The following VASH2 variants were observed in gnomAD, a reference collection of about 807,000 sequenced individuals.
The protein encoded by VASH2 is tubulinyl-Tyr carboxypeptidase 2.
A neutral mutation model predicts 37.2 loss-of-function variants in VASH2; 28 were observed. The observed-to-expected ratio is 0.75, with a 90% CI of 0.56 to 1.03. The LOEUF (loss-of-function observed/expected upper bound fraction) is 1.03, where lower values mean the gene tolerates loss of function less well. Ranked by LOEUF, VASH2 falls within the 50% of genes least tolerant of loss-of-function variation. The pLI is 0.00. For missense variants in VASH2, 419 were observed against 459.1 expected (o/e 0.91, Z 0.80); for synonymous variants, 188 against 174.7 (o/e 1.08, Z -0.60).
chr1:212,957,202 G>A (rs1289105846), intron 2 of VASH2, among the ~76,000 whole-genome samples: 1 of 152,222 alleles, frequency 6.6e-6, no homozygotes, highest in African/African-American at 2.4e-5. Context: ...GTGTCAAAAC[G>A]TCTTTCCTTT....
Position 212,966,262 on chromosome 1 carries a change from A to C in VASH2, c.423-9A>C. The C allele has an allele frequency of 3.2e-6, 5 of 1,551,350 alleles. No individual in the cohort carries two copies. The highest frequency in any genetic ancestry group is 4.4e-6 in the Non-Finnish European group (5 of 1,146,714). On this transcript the variant is annotated splice_polypyrimidine_tract_variant and intron_variant, in intron 4 of 7. Coordinates refer to ENST00000517399, the MANE Select transcript of VASH2 (RefSeq NM_001301056.2). ...GTTCTGAGATCCTCTGCTGTGCTCT[A>C]TCCTACAGGTTAATGGAAACAGCAA...
intron 6 of VASH2, chr1:212,973,622 T>G: frequency 3.3e-6 from 4 of 1,226,506 alleles, no homozygotes; most frequent in Non-Finnish European, 4.2e-6. Context: ...GATGGGACTT[T>G]GCCTTCGTGA....
At chr1:212,963,391 AC>A (rs1050080313) in intron 3 of VASH2, among the ~76,000 whole-genome samples, 34 of 152,068 alleles carry the variant, frequency 2.2e-4, no homozygotes, top group African/African-American at 8.2e-4. Flanking sequence ...TGCTGACCTG[AC>A]TTTTATTTAG....
chr1:212,953,459 T>C (rs1666386899), intron 2 of VASH2, among the ~76,000 whole-genome samples: 1 of 152,122 alleles, frequency 6.6e-6, no homozygotes. Context: ...CAAATCACAT[T>C]TCATCACTGA....
rs1056906136 is a variant in VASH2, at chr1:212,989,668, G to A, written c.*1084G>A. On this transcript the variant is annotated 3_prime_UTR_variant, in exon 8 of 8. Transcript: ENST00000517399. The stretch of plus-strand genomic sequence containing the variant: ...ATTATCTTCCAGTACTTTGCTTTTA[G>A]GTACCATTTCATGACATTTTAGGAA... The A allele has an allele frequency of 1.3e-5, 2 of 152,006 alleles. No homozygotes were observed. Among genetic ancestry groups the A allele is most frequent in the Non-Finnish European group, 2.9e-5 (2 of 68,024 alleles). The allele number at this position is 152,006 out of a possible 1,614,324, so 9.4% of individuals were successfully genotyped here.
rs924185731 is a variant in VASH2 at position 212,960,711 on chromosome 1, G to A, written c.277-455G>A. On this transcript the variant is annotated intron_variant, in intron 2 of 7. Transcript: ENST00000517399. Reference sequence around the variant, plus strand: ...GGCATCCATTCACTTTATATTCTGTGTAAATGTTGCCCTGCAGTAGAGCAC... The same window carrying A: ...GGCATCCATTCACTTTATATTCTGTATAAATGTTGCCCTGCAGTAGAGCAC... 2.0e-5 allele frequency among the ~76,000 whole-genome samples: 3 copies of A among 152,196 alleles called. No homozygotes were observed. In the South Asian group the frequency reaches 6.2e-4, roughly 32 times the overall value.
At chr1:212,986,280 T>A (rs6685111) in intron 7 of VASH2, among the ~76,000 whole-genome samples, 3,401 of 152,324 alleles carry the variant, frequency 0.022, 124 homozygotes, top group African/African-American at 0.075. Flanking sequence ...CTGAATTTTC[T>A]ACAAGTGGGG....
intron 7 of VASH2, among the ~76,000 whole-genome samples, chr1:212,987,417 A>T (rs1339224226): frequency 3.3e-5 from 5 of 152,124 alleles, no homozygotes; most frequent in African/African-American, 1.2e-4. Flanking sequence ...GTCTACAAAA[A>T]TACAAAATTG....
intron 7 of VASH2, among the ~76,000 whole-genome samples, chr1:212,976,299 G>A (rs189259675): frequency 9.6e-4 from 146 of 152,298 alleles, no homozygotes; most frequent in African/African-American, 2.6e-3. Flanking sequence ...AAAAAGAAAT[G>A]GCTGGGCATG....
At chr1:212,965,211 T>C (rs1185227195) in intron 3 of VASH2, among the ~76,000 whole-genome samples, 1 of 152,234 alleles carries the variant, frequency 6.6e-6, no homozygotes, top group African/African-American at 2.4e-5. Flanking sequence ...CCACTGCACC[T>C]GGCCTTCTGC....
intron 7 of VASH2, among the ~76,000 whole-genome samples, chr1:212,987,294 G>A (rs1667508213): frequency 6.7e-6 from 1 of 149,580 alleles, no homozygotes; most frequent in South Asian, 2.1e-4. Flanking sequence ...AACAAGGTTC[G>A]GCTGGGTGCG....
rs1434305278 is a variant in VASH2, at chr1:212,950,916, A to T, written c.-205+176A>T. On this transcript the variant is annotated intron_variant, in intron 1 of 7. Transcript: ENST00000517399. The surrounding 1 kb of genome is among the most constrained non-coding windows in gnomAD (Gnocchi z 5.5). ...AGAAAGCGGGCCGCCTTGCAAGCCA[A>T]GGCTGCTGCAGCGCCCTCGCGCCAG... Among the ~76,000 whole-genome samples the T allele has an allele frequency of 6.6e-6, 1 of 152,242 alleles. No homozygotes were observed. The highest frequency in any genetic ancestry group is 2.4e-5 in the African/African-American group (1 of 41,466).
rs61832446 is a variant in VASH2, at chr1:212,988,492, T to C, written c.996-20T>C. The C allele has an allele frequency of 0.015, 23,782 of 1,613,598 alleles. 227 individuals carry two copies. Among genetic ancestry groups the C allele is most frequent in the Non-Finnish European group, 0.017 (20,051 of 1,179,588 alleles). ...GCCCCATCCCCTCTCCTCCACCATA[T>C]TTCTGTCTTTTACCCTTAGGCCTGC... On this transcript the variant is annotated intron_variant, in intron 7 of 7. Transcript: ENST00000517399.
chr1:212,974,179 C>G, intron 7 of VASH2, 109 bp downstream of exon 7: 1 of 1,347,380 alleles, frequency 7.4e-7, no homozygotes, highest in Non-Finnish European at 9.8e-7. Flanking sequence ...TTGAACCTGA[C>G]AGCAATCTCC....
intron 7 of VASH2, among the ~76,000 whole-genome samples, chr1:212,986,738 G>C (rs1222750542): frequency 1.6e-5 from 2 of 121,640 alleles, no homozygotes; most frequent in Non-Finnish European, 3.5e-5. Context: ...CTGATACAAT[G>C]AGCAGAGTCT....
rs1455570104 is a variant in VASH2 at position 212,972,571 on chromosome 1, T to C, written c.498-9T>C. ...CCTCCTTTCTCTTCCTTGACTCAGA[T>C]TGTCTAAGCTACTTAACCAATGGGC... On this transcript the variant is annotated splice_polypyrimidine_tract_variant and intron_variant, in intron 5 of 7. Transcript: ENST00000517399. The C allele has an allele frequency of 6.2e-7, 1 of 1,602,028 alleles. No individual in the cohort carries two copies. Among genetic ancestry groups the C allele is most frequent in the African/African-American group, 1.4e-5 (1 of 73,866 alleles).
At chr1:212,961,627 A>C (rs1379144619) in intron 3 of VASH2, among the ~76,000 whole-genome samples, 1 of 151,984 alleles carries the variant, frequency 6.6e-6, no homozygotes. Flanking sequence ...TTTTGACATG[A>C]GGACTTGCTT....
intron 7 of VASH2, among the ~76,000 whole-genome samples, chr1:212,988,008 G>T (rs1467716890): frequency 6.6e-6 from 1 of 152,188 alleles, no homozygotes; most frequent in Admixed American, 6.5e-5. Context: ...TGCTTTTTCA[G>T]ATGAATCCTA....
chr1:212,974,148 G>C, intron 7 of VASH2, 78 bp downstream of exon 7: 3 of 1,466,522 alleles, frequency 2.0e-6, no homozygotes, highest in Non-Finnish European at 1.8e-6. Flanking sequence ...TGGGGACAAA[G>C]CTGTGTCTTG....
Sources: gnomAD v4.1 joint callset for allele counts (sites outside exome capture counted in the v4.1 genomes callset) on GRCh38, gnomAD v4.1.1 for gene constraint, Gnocchi (gnomAD v3.1) non-coding constraint, MANE v1.5 for transcripts, NCBI Gene and HGNC (gene_info 2026-07-23, HGNC 2026-07-21) for gene names.